The following SLCO6A1 variants were observed in gnomAD, a reference collection of about 807,000 sequenced individuals.
SLCO6A1 encodes solute carrier organic anion transporter family member 6A1, also known as cancer/testis antigen 48.
A neutral mutation model predicts 72.7 loss-of-function variants in SLCO6A1; 65 were observed. The ratio of observed to expected loss-of-function variants is 0.89; its 90% CI spans 0.73 to 1.10. The LOEUF is 1.10. SLCO6A1 is among the 50% of genes least tolerant of loss of function. SLCO6A1 has a pLI of 0.00. For missense variants in SLCO6A1, 874 were observed against 872.6 expected (o/e 1.00, Z -0.02); for synonymous variants, 314 against 298.2 (o/e 1.05, Z -0.55).
intron 4 of SLCO6A1, among the ~76,000 whole-genome samples, chr5:102,475,419 A>G (rs569599421): frequency 1.9e-4 from 28 of 150,616 alleles, no homozygotes; most frequent in Non-Finnish European, 3.2e-4. Context: ...AAAGTAGAAC[A>G]ATGATTGCAT....
At chr5:102,403,428 G>A (rs903818441) in intron 9 of SLCO6A1, among the ~76,000 whole-genome samples, 3 of 152,124 alleles carry the variant, frequency 2.0e-5, no homozygotes, top group Non-Finnish European at 4.4e-5. Context: ...AGTAAAAATA[G>A]TCAAGTCCCC....
chr5:102,389,465 C>CAG (rs1746625013), intron 11 of SLCO6A1, among the ~76,000 whole-genome samples: 1 of 125,286 alleles, frequency 8.0e-6, no homozygotes, highest in African/African-American at 3.0e-5. Flanking sequence ...CCCACACACA[C>CAG]AGAGTTGCCC....
intron 12 of SLCO6A1, among the ~76,000 whole-genome samples, chr5:102,374,275 G>C (rs191241746): frequency 4.6e-4 from 70 of 152,136 alleles, no homozygotes; most frequent in African/African-American, 1.5e-3. Context: ...CAAAGTACTG[G>C]GATTACAGAC....
At chr5:102,399,404 A>T in intron 10 of SLCO6A1, 151 bp downstream of exon 10, 1 of 440,778 alleles carries the variant, frequency 2.3e-6, no homozygotes, top group Non-Finnish European at 3.9e-6. Flanking sequence ...AAATAATTAT[A>T]CACATGAATT....
chr5:102,483,229 A>G (rs893113239), intron 1 of SLCO6A1, among the ~76,000 whole-genome samples: 1 of 152,188 alleles, frequency 6.6e-6, no homozygotes, highest in Non-Finnish European at 1.5e-5. Flanking sequence ...GAGACTCACC[A>G]CTTACACAGC....
At chr5:102,461,680 C>T (rs1264471525) in intron 4 of SLCO6A1, among the ~76,000 whole-genome samples, 1 of 151,968 alleles carries the variant, frequency 6.6e-6, no homozygotes, top group Non-Finnish European at 1.5e-5. Flanking sequence ...CATCATGATA[C>T]ATAAATGTCA....
chr5:102,427,840 G>GTGTATATATATATATATATA (rs1748980248), intron 7 of SLCO6A1, among the ~76,000 whole-genome samples: 2 of 102,748 alleles, frequency 1.9e-5, no homozygotes, highest in Non-Finnish European at 4.0e-5. Flanking sequence ...GTGTGTGTAT[G>GTGTATATATATATATATATA]TATACATATA....
chr5:102,467,903 T>A (rs1000654820), intron 4 of SLCO6A1, among the ~76,000 whole-genome samples: 6 of 152,126 alleles, frequency 3.9e-5, no homozygotes, highest in African/African-American at 1.4e-4. Context: ...GTTTCTCCAG[T>A]TCCTTGAGGT....
intron 6 of SLCO6A1, among the ~76,000 whole-genome samples, chr5:102,441,559 T>A (rs1456865647): frequency 6.6e-6 from 1 of 152,126 alleles, no homozygotes; most frequent in Non-Finnish European, 1.5e-5. Context: ...AATTGTATAA[T>A]CAGTTTCTCA....
intron 4 of SLCO6A1, among the ~76,000 whole-genome samples, chr5:102,466,334 T>C (rs1291304327): frequency 6.6e-6 from 1 of 152,138 alleles, no homozygotes; most frequent in Non-Finnish European, 1.5e-5. Flanking sequence ...GCTCCATTCA[T>C]ATCCCTCCAA....
intron 11 of SLCO6A1, among the ~76,000 whole-genome samples, chr5:102,390,043 G>A (rs1484989610): frequency 6.6e-5 from 10 of 151,970 alleles, no homozygotes; most frequent in Admixed American, 5.2e-4. Flanking sequence ...GTGCCTAGCC[G>A]GGGTTATCTT....
chr5:102,382,494 AT>A (rs113699697), intron 12 of SLCO6A1, among the ~76,000 whole-genome samples: 90,741 of 147,828 alleles, frequency 0.61, 27,870 homozygotes, highest in Non-Finnish European at 0.65. Context: ...AAATTTTAGG[AT>A]TTTTTTTTTT....
In SLCO6A1 at chr5:102,480,188, A is replaced by T. The variant is rs754665247; in HGVS notation, c.605T>A (p.Val202Glu). 1 of 1,608,054 alleles carries T rather than the reference A, an allele frequency of 6.2e-7. No homozygotes were observed. Among genetic ancestry groups the T allele is most frequent in the Admixed American group, 1.7e-5 (1 of 59,378 alleles). ...SINEENKQSKVGIEDICEEIK... is the reference protein window; with the variant it reads ...SINEENKQSKEGIEDICEEIK... The stretch of plus-strand genomic sequence containing the variant: ...TTTTAAAACCTTACCTTCAATTCCT[A>T]CCTTACTTTGTTTATTTTCTTCATT... Residue 202 changes from valine (V) to glutamate (E), a missense_variant, in exon 2 of 14, where the codon GTA (valine) becomes GAA (glutamate). By Grantham distance (121) the Val-to-Glu change is moderately radical. Transcript: ENST00000506729.
rs34076015 is a variant in SLCO6A1, at chr5:102,453,337, C to CA, written c.1131+5044dup. On this transcript the variant is annotated intron_variant, in intron 6 of 13. Transcript: ENST00000506729. ...TGGGTGACAGAGTGAGACCCTGCCT[C>CA]AAAAAAAAAAAAAAAAGAAAGAAAG... Among the ~76,000 whole-genome samples, 510 of 136,356 alleles carry CA rather than the reference C, an allele frequency of 3.7e-3. 2 individuals carry two copies. The highest frequency in any genetic ancestry group is 0.026 in the South Asian group (109 of 4,258). The allele number at this position is 136,356 out of a possible 152,430, so 89.5% of individuals were successfully genotyped here.
intron 10 of SLCO6A1, among the ~76,000 whole-genome samples, chr5:102,391,921 T>C (rs1338791628): frequency 6.6e-6 from 1 of 152,084 alleles, no homozygotes; most frequent in East Asian, 1.9e-4. Flanking sequence ...GAAAAAAATG[T>C]ATAACCGTAC....
rs145913069 is a variant in SLCO6A1, at chr5:102,447,587, C to A, written c.1132-8826G>T. ...GTCTGTTCAGGGTTTCAATTTCTTCCTGGTTCAATCTTAGAAGGTTGCATG... is the reference window on the plus strand; with the variant it reads ...GTCTGTTCAGGGTTTCAATTTCTTCATGGTTCAATCTTAGAAGGTTGCATG... On this transcript the variant is annotated intron_variant, in intron 6 of 13. Transcript: ENST00000506729. Among the ~76,000 whole-genome samples the A allele has an allele frequency of 2.1e-3, 318 of 152,186 alleles. 3 individuals carry two copies. Among genetic ancestry groups the A allele is most frequent in the African/African-American group, 7.3e-3 (302 of 41,532 alleles).
intron 7 of SLCO6A1, among the ~76,000 whole-genome samples, chr5:102,435,372 T>C (rs1204800730): frequency 6.6e-6 from 1 of 152,124 alleles, no homozygotes; most frequent in Admixed American, 6.6e-5. Context: ...TTCTATAATA[T>C]TATACTATGA....
In SLCO6A1 at chr5:102,498,958, A is replaced by G. The variant is rs1376432958; in HGVS notation, c.-114T>C. 2.0e-6 allele frequency: 2 copies of G among 1,010,068 alleles called. No individual in the cohort carries two copies. The highest frequency in any genetic ancestry group is 3.2e-5 in the African/African-American group (2 of 62,126). 62.6% of individuals were successfully genotyped at this position (1,010,068 alleles called of 1,614,324 possible). ...GGGCGTCGGAGGACTCGGTGGCCAC[A>G]AGGGGCTCTTGCCGCCCAAGCCTCC... is the stretch of plus-strand genomic sequence containing the variant. On this transcript the variant is annotated 5_prime_UTR_variant, in exon 1 of 14. Transcript: ENST00000506729.
At chr5:102,386,981 T>G (rs73774685) in intron 12 of SLCO6A1, among the ~76,000 whole-genome samples, 10,902 of 152,204 alleles carry the variant, frequency 0.072, 449 homozygotes, top group African/African-American at 0.1. Context: ...CCCTCTTCAA[T>G]GTGTCTTTTC....
Sources: allele counts gnomAD v4.1 joint callset (sites outside exome capture counted in the v4.1 genomes callset), GRCh38; gene constraint gnomAD v4.1.1; transcripts MANE v1.5; gene names NCBI Gene and HGNC (gene_info 2026-07-23, HGNC 2026-07-21).